Variants in GUCY2C observed in about 807,000 individuals in gnomAD.
GUCY2C encodes the protein guanylate cyclase 2C, also known as guanylyl cyclase C.
Under a neutral mutation model 131.1 loss-of-function variants are expected in GUCY2C, and 118 were observed. The observed-to-expected ratio is 0.90, with a 90% confidence interval of 0.78 to 1.05. The LOEUF (loss-of-function observed/expected upper bound fraction) is 1.05, where lower values mean the gene tolerates loss of function less well. GUCY2C is among the 50% of genes least tolerant of loss of function. GUCY2C has a pLI of 0.00. For missense variants in GUCY2C, 1,161 were observed against 1,304.4 expected, an observed-to-expected ratio of 0.89 and a Z score of 1.69; for synonymous variants, 452 against 457.8, an observed-to-expected ratio of 0.99 and a Z score of 0.16.
chr12:14,681,277 T>A, intron 5 of GUCY2C, 79 bp downstream of exon 5: 1 of 1,273,110 alleles, frequency 7.9e-7, no homozygotes, highest in Non-Finnish European at 1.1e-6. Context: ...CAGTGGAGGA[T>A]TTGTTGAAAT....
intron 5 of GUCY2C, 120 bp from the exon 6 acceptor site, chr12:14,679,873 C>T (rs1319737118): frequency 1.7e-6 from 1 of 573,888 alleles, no homozygotes; most frequent in Admixed American, 3.3e-5. Flanking sequence ...AAGATAAACT[C>T]CAATTCCTTA....
intron 19 of GUCY2C, among the ~76,000 whole-genome samples, chr12:14,630,447 T>G (rs1947119248): frequency 6.6e-6 from 1 of 152,142 alleles, no homozygotes; most frequent in Admixed American, 6.5e-5. Context: ...GAATGGAAAA[T>G]GTTTGGAAAA....
At chr12:14,664,503 GTATTTAAATATAC>G (rs1367487667) in intron 10 of GUCY2C, among the ~76,000 whole-genome samples, 1 of 151,476 alleles carries the variant, frequency 6.6e-6, no homozygotes, top group African/African-American at 2.4e-5. Context: ...TTTATATATA[GTATTTAAATATAC>G]TATTTAAATG....
chr12:14,619,281 G>A lies in GUCY2C; in HGVS notation c.2805C>T (p.Ile935=), dbSNP rs1424699044. The part of the protein sequence containing the change: ...SGPCAAGVVG[I]KMPRYCLFGD... ...CAAATAGACAATAACGAGGCATCTT[G>A]ATTCCCACAACTCCAGCAGCACAGG... Residue 935 remains isoleucine (I), a synonymous_variant, in exon 24 of 27, where the codon ATC becomes ATT. Transcript: ENST00000261170. The A allele has an allele frequency of 6.2e-7, 1 of 1,612,404 alleles. No homozygotes were observed. Among genetic ancestry groups the A allele is most frequent in the Admixed American group, 1.7e-5 (1 of 59,992 alleles).
chr12:14,619,328 A>G lies in GUCY2C; in HGVS notation c.2777-19T>C, dbSNP rs373582118. The stretch of plus-strand genomic sequence containing the variant: ...CAGGGACCTGAAATGAAGGACAGAA[A>G]GCAGGAAGTGGAGGCAATAGAAATT... On this transcript the variant is annotated intron_variant, in intron 23 of 26. Coordinates refer to ENST00000261170, the MANE Select transcript of GUCY2C (RefSeq NM_004963.4). The G allele has an allele frequency of 4.5e-4, 678 of 1,508,220 alleles. No individual in the cohort carries two copies. The highest frequency in any genetic ancestry group is 6.0e-4 in the Non-Finnish European group (652 of 1,083,588). 93.4% of individuals were successfully genotyped at this position (1,508,220 alleles called of 1,614,324 possible).
Position 14,670,994 on chromosome 12 carries a change from C to T in GUCY2C, c.1171-1161G>A, listed in dbSNP as rs558790571. Among the ~76,000 whole-genome samples the T allele has an allele frequency of 4.0e-5, 6 of 151,662 alleles. No individual in the cohort carries two copies. The South Asian group carries it at 1.3e-3, about 32-fold the overall frequency. On this transcript the variant is annotated intron_variant, in intron 9 of 26. Transcript: ENST00000261170. ...AACCCCTGATAAACCCGTAAGATCT[C>T]GTGATACTTATTCACTATCACGAGA...
intron 12 of GUCY2C, 44 bp from the exon 13 acceptor site, chr12:14,653,058 A>G: frequency 1.5e-6 from 2 of 1,371,032 alleles, no homozygotes; most frequent in South Asian, 2.3e-5. Context: ...TCCATATCTC[A>G]TCCTACTCAC....
At position 14,696,191 on chromosome 12, in the gene GUCY2C, T is replaced by C. The variant is rs760236901; in HGVS notation, c.217+41A>G. The C allele has an allele frequency of 4.8e-6, 7 of 1,463,026 alleles. No homozygotes were observed. The African/African-American group carries it at 9.7e-5, about 20-fold the overall frequency. 90.6% of individuals were successfully genotyped at this position (1,463,026 alleles called of 1,614,324 possible). The stretch of plus-strand genomic sequence containing the variant: ...CTTAGCAACATTTTGTCCCCAGAGG[T>C]AGTAACAGAGTGGAGGAAGATTCTA... On this transcript the variant is annotated intron_variant, in intron 1 of 26. Transcript: ENST00000261170.
intron 10 of GUCY2C, among the ~76,000 whole-genome samples, chr12:14,667,659 A>C (rs1417285225): frequency 2.0e-5 from 3 of 152,202 alleles, no homozygotes; most frequent in African/African-American, 7.2e-5. Flanking sequence ...CGGGGCTGGT[A>C]TAAAAATATT....
chr12:14,686,309 C>G, intron 2 of GUCY2C, 84 bp from the exon 3 acceptor site: 2 of 1,000,178 alleles, frequency 2.0e-6, no homozygotes, highest in Non-Finnish European at 3.1e-6. Flanking sequence ...GGGAAGGCTC[C>G]CAGAGGTTTA....
rs1399136653 is a variant in GUCY2C, at chr12:14,666,738, A to G, written c.1282+2984T>C. 3.0e-3 allele frequency among the ~76,000 whole-genome samples: 439 copies of G among 146,176 alleles called. 23 individuals are homozygous for G. The East Asian group carries it at 0.077, about 26-fold the overall frequency. ...TGATACAGCCAGACAATGTCTCCAA[A>G]AAAAAAAAAAAAGAGTAAGAAAAGA... On this transcript the variant is annotated intron_variant, in intron 10 of 26. Coordinates refer to ENST00000261170, the MANE Select transcript of GUCY2C (RefSeq NM_004963.4).
chr12:14,634,773 T>C (rs879354470), intron 19 of GUCY2C, among the ~76,000 whole-genome samples: 9 of 152,280 alleles, frequency 5.9e-5, no homozygotes, highest in African/African-American at 1.7e-4. Context: ...GGAAAGATAT[T>C]CCATGCAAAT....
chr12:14,680,851 C>T (rs1269224066), intron 5 of GUCY2C, among the ~76,000 whole-genome samples: 1 of 152,090 alleles, frequency 6.6e-6, no homozygotes, highest in East Asian at 1.9e-4. Context: ...TACTTGGTCT[C>T]TAGCTGGTAG....
At chr12:14,694,106 C>T (rs1256721924) in intron 1 of GUCY2C, among the ~76,000 whole-genome samples, 4 of 152,118 alleles carry the variant, frequency 2.6e-5, no homozygotes, top group African/African-American at 9.7e-5. Flanking sequence ...GGGTAACTAC[C>T]ACTTATTCTA....
intron 3 of GUCY2C, among the ~76,000 whole-genome samples, chr12:14,685,894 C>T (rs1018982287): frequency 6.6e-6 from 1 of 152,052 alleles, no homozygotes. Context: ...ACTGTCTTTC[C>T]TGCTTTCTCT....
intron 15 of GUCY2C, among the ~76,000 whole-genome samples, chr12:14,646,033 G>A (rs540289654): frequency 2.0e-5 from 3 of 151,942 alleles, no homozygotes; most frequent in African/African-American, 4.8e-5. Context: ...ACGGGGTTTC[G>A]CTACGTTGGC....
At chr12:14,666,602 G>C (rs1339786505) in intron 10 of GUCY2C, among the ~76,000 whole-genome samples, 1 of 152,050 alleles carries the variant, frequency 6.6e-6, no homozygotes, top group Admixed American at 6.6e-5. Context: ...GGGCGTGGCG[G>C]CAAACACCTG....
Position 14,651,396 on chromosome 12 carries a change from T to C in GUCY2C, c.1710+11A>G, listed in dbSNP as rs528363937. The C allele has an allele frequency of 2.8e-5, 35 of 1,259,694 alleles. No homozygotes were observed. Among genetic ancestry groups the C allele is most frequent in the Middle Eastern group, 3.7e-4 (2 of 5,384 alleles). 78.0% of individuals were successfully genotyped at this position (1,259,694 alleles called of 1,614,324 possible). On this transcript the variant is annotated intron_variant, in intron 15 of 26. Coordinates refer to ENST00000261170, the MANE Select transcript of GUCY2C (RefSeq NM_004963.4). The stretch of plus-strand genomic sequence containing the variant: ...ATGATTAGAAAATTGGAAATGACCA[T>C]GGTTTCTTACCCGGAGGGATCCTCT...
In GUCY2C at chr12:14,687,943, ATACT is replaced by A. The variant is rs781237173; in HGVS notation, c.330+4_330+7del. ...CCATGAGCTGCATCCACAAAAGCAA[ATACT>A]TACTGAAATTTTCCTGAGTAGGTCG... On this transcript the variant is annotated splice_donor_5th_base_variant and intron_variant, in intron 2 of 26. Coordinates refer to ENST00000261170, the MANE Select transcript of GUCY2C (RefSeq NM_004963.4). 5 of 1,520,868 alleles carry A rather than the reference ATACT, an allele frequency of 3.3e-6. No individual in the cohort carries two copies. The highest frequency in any genetic ancestry group is 2.3e-5 in the East Asian group (1 of 44,442). The allele number at this position is 1,520,868 out of a possible 1,614,324, so 94.2% of individuals were successfully genotyped here.
Sources: gnomAD v4.1 joint callset for allele counts (sites outside exome capture counted in the v4.1 genomes callset) on GRCh38, gnomAD v4.1.1 for gene constraint, MANE v1.5 for transcripts, NCBI Gene and HGNC (gene_info 2026-07-23, HGNC 2026-07-21) for gene names.